Variants in SUZ12 observed in about 807,000 individuals in gnomAD.
The protein encoded by SUZ12 is SUZ12 polycomb repressive complex 2 subunit.
In SUZ12, 17 loss-of-function variants were observed where a neutral mutation model predicts 87.3. The observed-to-expected ratio is 0.19, with a 90% confidence interval of 0.13 to 0.29. SUZ12 has a LOEUF of 0.29. Among genes scored for constraint, SUZ12 ranks in the 10% least tolerant of loss-of-function variants. The probability of loss-of-function intolerance (pLI) is 1.00; values close to 1 mark genes in which losing one functional copy is unlikely to be tolerated. For missense variants in SUZ12, 526 were observed against 912.2 expected (o/e 0.58, Z 5.45); for synonymous variants, 253 against 312.4 (o/e 0.81, Z 2.01).
At chr17:31,954,633 A>G (rs752511785) in intron 4 of SUZ12, among the ~76,000 whole-genome samples, 1 of 152,102 alleles carries the variant, frequency 6.6e-6, no homozygotes, top group African/African-American at 2.4e-5. Context: ...AGTGCTGGGA[A>G]AGAAAAGCAT....
At chr17:31,941,882 C>T (rs1425420076) in intron 3 of SUZ12, among the ~76,000 whole-genome samples, 13 of 148,676 alleles carry the variant, frequency 8.7e-5, no homozygotes, top group South Asian at 2.1e-4. Flanking sequence ...GATGGAGTTT[C>T]GCTCTTGTCT....
chr17:31,942,040 G>C (rs952094310), intron 3 of SUZ12, among the ~76,000 whole-genome samples: 13 of 151,966 alleles, frequency 8.6e-5, no homozygotes, highest in African/African-American at 3.1e-4. Flanking sequence ...TTTTAGTAGA[G>C]ATGGGGTTTC....
At position 31,976,630 on chromosome 17, in the gene SUZ12, A is replaced by G. The variant is rs1245878703; in HGVS notation, c.917+16A>G. On this transcript the variant is annotated intron_variant, in intron 8 of 15. Transcript: ENST00000322652. The stretch of plus-strand genomic sequence containing the variant: ...ATAAAAACAGGTAATGTTGATGAAC[A>G]AGTGAGGCTCCCACAATGTTCTGGA... 1.3e-6 allele frequency: 2 copies of G among 1,562,848 alleles called. No homozygotes were observed. Among genetic ancestry groups the G allele is most frequent in the Admixed American group, 1.7e-5 (1 of 59,068 alleles).
intron 4 of SUZ12, among the ~76,000 whole-genome samples, chr17:31,956,119 T>C (rs1336073854): frequency 6.6e-6 from 1 of 151,810 alleles, no homozygotes; most frequent in Non-Finnish European, 1.5e-5. Flanking sequence ...TTCACCGTGT[T>C]AGCCAGGATG....
At chr17:31,968,699 C>A (rs1331167271) in intron 5 of SUZ12, among the ~76,000 whole-genome samples, 6 of 152,132 alleles carry the variant, frequency 3.9e-5, no homozygotes, top group Middle Eastern at 3.4e-3. Context: ...TGCTTAGAGT[C>A]CTTATTTCTA....
chr17:31,957,670 C>A lies in SUZ12; in HGVS notation c.456-8477C>A, dbSNP rs759276213. ...AGGTGATCTGCTCGCCTCAGCCTCC[C>A]AAAGTGCTGGGATTGTAGCCGTAAG... On this transcript the variant is annotated intron_variant, in intron 4 of 15. Coordinates refer to ENST00000322652, the MANE Select transcript of SUZ12 (RefSeq NM_015355.4). Among the ~76,000 whole-genome samples, 195 of 152,128 alleles carry A rather than the reference C, an allele frequency of 1.3e-3. 1 individual carries two copies. Among genetic ancestry groups the A allele is most frequent in the Non-Finnish European group, 1.5e-3 (105 of 68,006 alleles).
Position 31,988,488 on chromosome 17 carries a change from C to A in SUZ12, c.1192C>A (p.Gln398Lys). The A allele has an allele frequency of 6.3e-7, 1 of 1,598,126 alleles. No homozygotes were observed. Among genetic ancestry groups the A allele is most frequent in the South Asian group, 1.1e-5 (1 of 87,756 alleles). ...ENKPGSVKPT[Q>K]TIAVKESLTT... ...CAAGCCTGGTTCAGTTAAACCTACT[C>A]AAACTATTGGTAAGAAAACATTGCA... Residue 398 changes from glutamine (Q) to lysine (K), a missense_variant, in exon 10 of 16, where the codon CAA becomes AAA. Around this residue, in one of 9 missense-constraint regions of SUZ12, gnomAD observed 85 missense variants for 87.4 expected, o/e 0.97. Transcript: ENST00000322652.
At chr17:31,995,195 G>A (rs1363839211) in intron 13 of SUZ12, among the ~76,000 whole-genome samples, 1 of 149,806 alleles carries the variant, frequency 6.7e-6, no homozygotes, top group East Asian at 1.9e-4. Flanking sequence ...TATGTAACCA[G>A]TGTTAACGGC....
intron 5 of SUZ12, among the ~76,000 whole-genome samples, chr17:31,971,480 T>A (rs753597856): frequency 7.1e-6 from 1 of 141,046 alleles, no homozygotes; most frequent in Admixed American, 8.1e-5. Context: ...CAGGCTGGAG[T>A]GCAATGGTGT....
Position 31,944,159 on chromosome 17 carries a change from G to A in SUZ12, c.387-3458G>A, listed in dbSNP as rs1453343876. 7.9e-5 allele frequency among the ~76,000 whole-genome samples: 12 copies of A among 151,280 alleles called. No individual in the cohort carries two copies. The South Asian group carries it at 1.0e-3, about 13-fold the overall frequency. ...TTATTTTTTTTTGAGATGGAGTTTCGCTCTTGTTGCCCAGGCTGGAGTGCA... is the reference window on the plus strand; with the variant it reads ...TTATTTTTTTTTGAGATGGAGTTTCACTCTTGTTGCCCAGGCTGGAGTGCA... On this transcript the variant is annotated intron_variant, in intron 3 of 15. Coordinates refer to ENST00000322652, the MANE Select transcript of SUZ12 (RefSeq NM_015355.4).
At chr17:31,986,787 C>T (rs187932507) in intron 9 of SUZ12, among the ~76,000 whole-genome samples, 1 of 152,134 alleles carries the variant, frequency 6.6e-6, no homozygotes, top group East Asian at 1.9e-4. Context: ...CCTGACCTCA[C>T]GATCTGCCCT....
rs1910136341 is a variant in SUZ12, at chr17:31,999,187, A to G, written c.*184A>G. ...CACTTCATTATGCAGCATTACATGT[A>G]TATCACTTTTATTGATGTCATTAAA... is the stretch of plus-strand genomic sequence containing the variant. On this transcript the variant is annotated 3_prime_UTR_variant, in exon 16 of 16. Coordinates refer to ENST00000322652, the MANE Select transcript of SUZ12 (RefSeq NM_015355.4). The G allele has an allele frequency of 6.7e-6, 3 of 445,088 alleles. No individual in the cohort carries two copies. Among genetic ancestry groups the G allele is most frequent in the Admixed American group, 7.8e-5 (2 of 25,538 alleles). The allele number at this position is 445,088 out of a possible 1,614,324, so 27.6% of individuals were successfully genotyped here.
At position 31,998,948 on chromosome 17, in the gene SUZ12, T is replaced by C; in HGVS notation, c.2165T>C (p.Leu722Ser). 1 of 1,606,738 alleles carries C rather than the reference T, an allele frequency of 6.2e-7. No individual in the cohort carries two copies. Among genetic ancestry groups the C allele is most frequent in the Non-Finnish European group, 8.5e-7 (1 of 1,177,946 alleles). Residue 722 changes from leucine to serine, a missense_variant, in exon 16 of 16, where the codon TTG (leucine) becomes TCG (serine). By Grantham distance (145) the Leu-to-Ser change is moderately radical. Transcript: ENST00000322652. ...FSEINSKEKALETDSVSGVSK... is the reference protein window; with the variant it reads ...FSEINSKEKASETDSVSGVSK... ...GAAATTAACTCAAAAGAGAAAGCTT[T>C]GGAAACAGATAGTGTCTCAGGGGTT...
At chr17:31,962,822 G>C (rs1328057823) in intron 4 of SUZ12, among the ~76,000 whole-genome samples, 1 of 152,218 alleles carries the variant, frequency 6.6e-6, no homozygotes, top group Non-Finnish European at 1.5e-5. Flanking sequence ...TGTGGAGAAA[G>C]GAATGATAGA....
At chr17:31,997,538 C>T (rs1052784676) in intron 15 of SUZ12, among the ~76,000 whole-genome samples, 9 of 151,998 alleles carry the variant, frequency 5.9e-5, no homozygotes, top group Middle Eastern at 3.2e-3. Flanking sequence ...TGTCACACAC[C>T]TGTAATCCCA....
rs202099371 is a variant in SUZ12 at position 31,985,965 on chromosome 17, C to CT, written c.1024-2348dup. ...CATGAGCGACCGTGCCCGGCCTGGCCTTTTTTTGTTTGTTTCTGTTGAGAT... is the reference window on the plus strand; with the variant it reads ...CATGAGCGACCGTGCCCGGCCTGGCCTTTTTTTTGTTTGTTTCTGTTGAGAT... On this transcript the variant is annotated intron_variant, in intron 9 of 15. Coordinates refer to ENST00000322652, the MANE Select transcript of SUZ12 (RefSeq NM_015355.4). 7.8e-3 allele frequency among the ~76,000 whole-genome samples: 1,159 copies of CT among 149,044 alleles called. 9 individuals carry two copies. The highest frequency in any genetic ancestry group is 0.027 in the African/African-American group (1,073 of 40,444).
intron 9 of SUZ12, among the ~76,000 whole-genome samples, chr17:31,987,504 G>C (rs146043269): frequency 4.2e-4 from 64 of 152,264 alleles, no homozygotes; most frequent in African/African-American, 1.5e-3. Context: ...GGCAGTCATT[G>C]TCAGTGAAAC....
Position 31,937,324 on chromosome 17 carries a change from G to A in SUZ12, c.78G>A (p.Gly26=). Residue 26 remains glycine, a synonymous_variant, in exon 1 of 16, where the codon GGG becomes GGA. Coordinates refer to ENST00000322652, the MANE Select transcript of SUZ12 (RefSeq NM_015355.4). ...CGGGGTCCGGGGGAGGCGGCTTCGGGGGTTCGGCGGCGGTGGCGGCGGCGA... is the reference window on the plus strand; with the variant it reads ...CGGGGTCCGGGGGAGGCGGCTTCGGAGGTTCGGCGGCGGTGGCGGCGGCGA... ...PSAGSGGGGF[G]GSAAVAAATA... is the part of the protein sequence containing the mutation. 6.8e-7 allele frequency: 1 copy of A among 1,460,716 alleles called. No individual in the cohort carries two copies. Among genetic ancestry groups the A allele is most frequent in the Middle Eastern group, 2.4e-4 (1 of 4,082 alleles). The allele number at this position is 1,460,716 out of a possible 1,614,324, so 90.5% of individuals were successfully genotyped here. A position where few individuals can be genotyped will look rare whatever the true frequency, so the allele number is the denominator to read the frequency against.
At chr17:31,992,022 T>C (rs1424151513) in intron 10 of SUZ12, among the ~76,000 whole-genome samples, 1 of 151,988 alleles carries the variant, frequency 6.6e-6, no homozygotes, top group Non-Finnish European at 1.5e-5. Context: ...CTGGGCACGG[T>C]GACTCATATC....
Sources: gnomAD v4.1 joint callset for allele counts (sites outside exome capture counted in the v4.1 genomes callset) on GRCh38, gnomAD v4.1.1 for gene constraint, gnomAD v4.1.1 regional missense constraint, MANE v1.5 for transcripts, NCBI Gene and HGNC (gene_info 2026-07-23, HGNC 2026-07-21) for gene names.